Variants in ACACB observed in about 807,000 individuals in gnomAD.
ACACB encodes the protein acetyl-CoA carboxylase 2.
ACACB carries 209 observed loss-of-function variants against 278.8 expected under a neutral mutation model. That is an observed-to-expected ratio of 0.75 (90% confidence interval 0.67 to 0.84). The LOEUF is 0.84. Ranked by LOEUF, ACACB falls within the 40% of genes least tolerant of loss-of-function variation. The probability of loss-of-function intolerance (pLI) is 0.00; values close to 1 mark genes in which losing one functional copy is unlikely to be tolerated. For missense variants in ACACB, 2,850 were observed against 3,269.0 expected (o/e 0.87, Z 3.13); for synonymous variants, 1,174 against 1,285.6 (o/e 0.91, Z 1.86).
Position 109,137,780 on chromosome 12 carries a change from G to C in ACACB, c.-9-1617G>C, listed in dbSNP as rs1021255016. On this transcript the variant is annotated intron_variant, in intron 1 of 52. Coordinates refer to ENST00000338432, the MANE Select transcript of ACACB (RefSeq NM_001093.4). ...GTTCAGAAATTTCAACACATAGAGA[G>C]AGGTCCCATTTAAAAATTTTTTTTG... Among the ~76,000 whole-genome samples, 11 of 152,142 alleles carry C rather than the reference G, an allele frequency of 7.2e-5. No homozygotes were observed. The South Asian group carries it at 2.3e-3, about 32-fold the overall frequency.
At chr12:109,122,308 G>T (rs1297107835) in intron 1 of ACACB, among the ~76,000 whole-genome samples, 1 of 152,210 alleles carries the variant, frequency 6.6e-6, no homozygotes, top group African/African-American at 2.4e-5. Context: ...ATGAGACAAT[G>T]ATTATAAAAT....
In ACACB at chr12:109,254,313, C is replaced by T. The variant is rs1246649143; in HGVS notation, c.6145C>T (p.Leu2049Phe). 6.2e-7 allele frequency: 1 copy of T among 1,611,754 alleles called. No homozygotes were observed. The highest frequency in any genetic ancestry group is 1.4e-5 in the African/African-American group (1 of 73,502). Residue 2049 changes from leucine to phenylalanine, a missense_variant, in exon 44 of 53, where the codon CTT becomes TTT. This residue lies in a region of ACACB where 579 missense variants were observed against 684.6 expected (regional missense o/e 0.85). Transcript: ENST00000338432. ...SRAPYDPRWM[L>F]AGRPHPTLKG... ...AGCTCCCTACGACCCCCGGTGGATGCTTGCAGGAAGGCCTCACCCAAGTAA... is the reference window on the plus strand; with the variant it reads ...AGCTCCCTACGACCCCCGGTGGATGTTTGCAGGAAGGCCTCACCCAAGTAA...
At chr12:109,147,391 CTTTTTT>C (rs34959945) in intron 2 of ACACB, among the ~76,000 whole-genome samples, 1 of 116,210 alleles carries the variant, frequency 8.6e-6, no homozygotes, top group East Asian at 2.7e-4. Flanking sequence ...TGTCTGGCTA[CTTTTTT>C]TTTTTTTTTT....
chr12:109,222,953 ACT>A (rs2046217170), intron 26 of ACACB, 41 bp downstream of exon 26: 1 of 1,500,342 alleles, frequency 6.7e-7, no homozygotes. Context: ...CAGAGCACAC[ACT>A]GTGGCCCAGG....
At chr12:109,191,357 G>A (rs1281873849) in intron 13 of ACACB, 4 of 352,450 alleles carry the variant, frequency 1.1e-5, no homozygotes, top group Non-Finnish European at 1.1e-5. Context: ...GAGATTACAG[G>A]CGTCCTCCAC....
chr12:109,210,612 AT>A (rs1259196294), intron 21 of ACACB, among the ~76,000 whole-genome samples: 1 of 149,880 alleles, frequency 6.7e-6, no homozygotes, highest in African/African-American at 2.4e-5. Context: ...TATATATAAT[AT>A]TTTTTAAGAA....
At position 109,237,315 on chromosome 12, in the gene ACACB, G is replaced by A. The variant is rs1171171145; in HGVS notation, c.4597G>A (p.Val1533Met). ...GGGTGCTGCCAAGGTGAAGGAAGGT[G>A]TGGAAGTGACGGACCATAGGTTCTT... ...YLGAAKVKEG[V>M]EVTDHRFFIR... Residue 1533 changes from valine (V) to methionine (M), a missense_variant, in exon 34 of 53, where the codon GTG (valine) becomes ATG (methionine). Physicochemically the swap from Val to Met is conservative, Grantham distance 21 (BLOSUM62 1). Coordinates refer to ENST00000338432, the MANE Select transcript of ACACB (RefSeq NM_001093.4). 3.1e-6 allele frequency: 5 copies of A among 1,614,084 alleles called. No individual in the cohort carries two copies. The Admixed American group carries it at 8.3e-5, about 27-fold the overall frequency.
In ACACB at chr12:109,212,981, G is replaced by A. The variant is rs747905217; in HGVS notation, c.3350+45G>A. 9 of 1,545,348 alleles carry A rather than the reference G, an allele frequency of 5.8e-6. No individual in the cohort carries two copies. The East Asian group carries it at 9.0e-5, about 15-fold the overall frequency. ...GTAGGATGTGGTTGTCACCTGAATC[G>A]TCGCATGCATTGCACCAGGGTGGTG... is the stretch of plus-strand genomic sequence containing the variant. On this transcript the variant is annotated intron_variant, in intron 22 of 52. Coordinates refer to ENST00000338432, the MANE Select transcript of ACACB (RefSeq NM_001093.4).
At position 109,192,053 on chromosome 12, in the gene ACACB, A is replaced by G. The variant is rs568114416; in HGVS notation, c.2399+103A>G. 17 of 1,187,420 alleles carry G rather than the reference A, an allele frequency of 1.4e-5. No homozygotes were observed. The East Asian group carries it at 2.7e-4, about 19-fold the overall frequency. 73.6% of individuals were successfully genotyped at this position (1,187,420 alleles called of 1,614,324 possible). On this transcript the variant is annotated intron_variant, in intron 15 of 52. Transcript: ENST00000338432. ...TGTGTGGCCAGTTAGTCACCAGGCAATTGGTGAGTCTCTCCTCCGGTCTTG... is the reference window on the plus strand; with the variant it reads ...TGTGTGGCCAGTTAGTCACCAGGCAGTTGGTGAGTCTCTCCTCCGGTCTTG...
At chr12:109,260,105 A>G (rs1197648674) in intron 47 of ACACB, 1 of 1,369,062 alleles carries the variant, frequency 7.3e-7, no homozygotes, top group African/African-American at 1.5e-5. Flanking sequence ...GGTGGAAGAT[A>G]AGGGCCATGT....
intron 44 of ACACB, among the ~76,000 whole-genome samples, chr12:109,254,998 C>T (rs1216872828): frequency 6.6e-6 from 1 of 152,044 alleles, no homozygotes; most frequent in African/African-American, 2.4e-5. Context: ...TGGTCTTGAA[C>T]ACATGACCTC....
At chr12:109,179,321 G>T (rs779438497) in intron 10 of ACACB, 24 bp downstream of exon 10, 2 of 1,605,486 alleles carry the variant, frequency 1.2e-6, no homozygotes, top group Admixed American at 3.4e-5. Context: ...AGCCCAGGGG[G>T]CAGCTTCAGA....
intron 2 of ACACB, among the ~76,000 whole-genome samples, chr12:109,160,407 C>T (rs1436477098): frequency 6.6e-6 from 1 of 152,184 alleles, no homozygotes; most frequent in East Asian, 1.9e-4. Context: ...TGGAGATTCA[C>T]TGAGAGGCCC....
chr12:109,112,039 T>C (rs2042305798), upstream of ACACB, among the ~76,000 whole-genome samples: 1 of 151,936 alleles, frequency 6.6e-6, no homozygotes, highest in South Asian at 2.1e-4. Flanking sequence ...TTACACCAGT[T>C]AGCTTTTCAC....
chr12:109,155,210 T>A (rs2043497644), intron 2 of ACACB, among the ~76,000 whole-genome samples: 3 of 152,154 alleles, frequency 2.0e-5, no homozygotes. Flanking sequence ...TGCCTAAAGA[T>A]CAGCCCTTGC....
At chr12:109,186,564 CA>C (rs1407182701) in intron 12 of ACACB, among the ~76,000 whole-genome samples, 1 of 152,110 alleles carries the variant, frequency 6.6e-6, no homozygotes, top group Non-Finnish European at 1.5e-5. Flanking sequence ...AAAAACAAAC[CA>C]ACTGGCATCC....
chr12:109,136,476 G>A (rs1164149098), intron 1 of ACACB, among the ~76,000 whole-genome samples: 1 of 152,076 alleles, frequency 6.6e-6, no homozygotes, highest in Admixed American at 6.6e-5. Context: ...TCAGTGTGCA[G>A]GTCTTTCACT....
intron 9 of ACACB, 103 bp from the exon 10 acceptor site, chr12:109,178,985 A>G (rs546513914): frequency 9.1e-7 from 1 of 1,094,652 alleles, no homozygotes; most frequent in Non-Finnish European, 1.3e-6. Context: ...TGAGTACCCT[A>G]AACACATCAC....
intron 2 of ACACB, among the ~76,000 whole-genome samples, chr12:109,166,426 G>A (rs1030725905): frequency 7.3e-5 from 11 of 151,588 alleles, no homozygotes; most frequent in East Asian, 1.9e-4. Context: ...AGTGGTTCAC[G>A]CCTGTAATCC....
Sources: gnomAD v4.1 joint callset for allele counts (sites outside exome capture counted in the v4.1 genomes callset) on GRCh38, gnomAD v4.1.1 for gene constraint, gnomAD v4.1.1 regional missense constraint, MANE v1.5 for transcripts, NCBI Gene and HGNC (gene_info 2026-07-23, HGNC 2026-07-21) for gene names.